The following GABRG3 variants were observed in gnomAD, a reference collection of about 807,000 sequenced individuals.
The protein encoded by GABRG3 is gamma-aminobutyric acid type A receptor subunit gamma3.
Under a neutral mutation model 48.8 loss-of-function variants are expected in GABRG3, and 25 were observed. The ratio of observed to expected loss-of-function variants is 0.51; its 90% CI spans 0.37 to 0.72. The LOEUF (loss-of-function observed/expected upper bound fraction) is 0.72. Among genes scored for constraint, GABRG3 ranks in the 30% least tolerant of loss-of-function variants. The probability of loss-of-function intolerance (pLI) is 0.00; values close to 1 mark genes in which losing one functional copy is unlikely to be tolerated. For missense variants in GABRG3, 394 were observed against 577.9 expected, an observed-to-expected ratio of 0.68 and a Z score of 3.26; for synonymous variants, 227 against 217.6, an observed-to-expected ratio of 1.04 and a Z score of -0.38.
intron 3 of GABRG3, among the ~76,000 whole-genome samples, chr15:27,294,223 CTTTTTTTTT>C (rs1162063750): frequency 7.7e-6 from 1 of 129,296 alleles, no homozygotes; most frequent in Non-Finnish European, 1.6e-5. Context: ...TTTCTTTTTC[CTTTTTTTTT>C]TTTTTTTTTT....
intron 3 of GABRG3, among the ~76,000 whole-genome samples, chr15:27,050,838 A>G (rs1272226268): frequency 2.0e-5 from 3 of 152,214 alleles, no homozygotes; most frequent in Non-Finnish European, 1.5e-5. Context: ...TATATTAAGC[A>G]TTACAATTTA....
intron 3 of GABRG3, among the ~76,000 whole-genome samples, chr15:27,154,559 G>A (rs1161424358): frequency 6.6e-6 from 1 of 152,154 alleles, no homozygotes; most frequent in East Asian, 1.9e-4. Context: ...CATTTTGTTT[G>A]ATACTTGCTC....
chr15:27,004,436 C>T (rs1422835094), intron 2 of GABRG3, among the ~76,000 whole-genome samples: 12 of 151,688 alleles, frequency 7.9e-5, no homozygotes, highest in African/African-American at 2.2e-4. Context: ...GGATGGCGGC[C>T]GGGCAGAGAC....
In GABRG3 at chr15:27,402,320, G is replaced by A. The variant is rs1887497569; in HGVS notation, c.574+73432G>A. On this transcript the variant is annotated intron_variant, in intron 5 of 9. Transcript: ENST00000615808. ...TATTTCAGAATGCTAACAAGATATT[G>A]AAGACTTAAGGGGTTAAGTTCAGGG... Among the ~76,000 whole-genome samples the A allele has an allele frequency of 1.3e-5, 2 of 152,196 alleles. 1 individual carries two copies. The highest frequency in any genetic ancestry group is 4.1e-4 in the South Asian group (2 of 4,834).
intron 6 of GABRG3, among the ~76,000 whole-genome samples, chr15:27,487,320 T>A (rs1279217613): frequency 6.6e-6 from 1 of 152,236 alleles, no homozygotes; most frequent in Admixed American, 6.5e-5. Flanking sequence ...TTATAACATT[T>A]AATATATTAT....
intron 2 of GABRG3, among the ~76,000 whole-genome samples, chr15:27,025,654 A>G (rs1244187146): frequency 2.0e-5 from 3 of 152,190 alleles, no homozygotes; most frequent in African/African-American, 7.2e-5. Context: ...TTTATGTGCA[A>G]TTTTACGAGA....
rs141573211 is a variant in GABRG3, at chr15:27,210,272, C to T, written c.271-116537C>T. 2.4e-3 allele frequency among the ~76,000 whole-genome samples: 370 copies of T among 152,240 alleles called. 1 individual carries two copies. The highest frequency in any genetic ancestry group is 3.8e-3 in the Non-Finnish European group (258 of 68,010). On this transcript the variant is annotated intron_variant, in intron 3 of 9. Transcript: ENST00000615808. ...GTAACTCCTTTGGAACTTTTATCTC[C>T]GTATTTCAGACCACATGCACAGTCT...
chr15:27,292,428 T>TAA (rs145757222), intron 3 of GABRG3, among the ~76,000 whole-genome samples: 1,547 of 147,188 alleles, frequency 0.011, 21 homozygotes, highest in African/African-American at 0.037. Flanking sequence ...TAAAGTATGA[T>TAA]AAAAAAAAAA....
intron 3 of GABRG3, among the ~76,000 whole-genome samples, chr15:27,202,641 A>G (rs1888721218): frequency 6.6e-6 from 1 of 152,070 alleles, no homozygotes; most frequent in Non-Finnish European, 1.5e-5. Flanking sequence ...TTATTGCTTT[A>G]TATTGCATTT....
At chr15:27,431,474 G>A (rs939074553) in intron 5 of GABRG3, among the ~76,000 whole-genome samples, 1 of 152,124 alleles carries the variant, frequency 6.6e-6, no homozygotes. Flanking sequence ...TATAAATAGA[G>A]ATTGTTTTAC....
chr15:27,479,527 A>C (rs1890044708), intron 5 of GABRG3, among the ~76,000 whole-genome samples: 1 of 152,272 alleles, frequency 6.6e-6, no homozygotes, highest in Non-Finnish European at 1.5e-5. Flanking sequence ...TGAAGAAGGC[A>C]GATTGCCTCT....
chr15:27,380,425 GTT>G (rs142157061), intron 5 of GABRG3, among the ~76,000 whole-genome samples: 1 of 145,552 alleles, frequency 6.9e-6, no homozygotes. Flanking sequence ...TGTGTGTGTG[GTT>G]TTTTTTTTGT....
At chr15:27,219,999 C>T (rs927329883) in intron 3 of GABRG3, among the ~76,000 whole-genome samples, 6 of 152,094 alleles carry the variant, frequency 3.9e-5, no homozygotes, top group Admixed American at 3.3e-4. Context: ...GTCGGCTCAC[C>T]CAGCATGCAG....
chr15:27,236,666 G>T lies in GABRG3; in HGVS notation c.271-90143G>T, dbSNP rs905743360. Among the ~76,000 whole-genome samples the T allele has an allele frequency of 6.6e-6, 1 of 152,188 alleles. No homozygotes were observed. The highest frequency in any genetic ancestry group is 2.4e-5 in the African/African-American group (1 of 41,430). On this transcript the variant is annotated intron_variant, in intron 3 of 9. Transcript: ENST00000615808. The surrounding 1 kb of genome is among the most constrained non-coding windows in gnomAD (Gnocchi z 4.4). ...TCCTGATTAGAGACCACCAGCCACA[G>T]AGTGGCTCTGACCAGCCTAGGGAGG...
intron 5 of GABRG3, among the ~76,000 whole-genome samples, chr15:27,346,113 G>GAAAT (rs1894364420): frequency 2.5e-5 from 2 of 80,532 alleles, no homozygotes; most frequent in South Asian, 4.4e-4. Context: ...GAAAGAGAAA[G>GAAAT]GAAAGAAAGA....
chr15:27,188,267 G>A lies in GABRG3; in HGVS notation c.271-138542G>A, dbSNP rs11504702. Among the ~76,000 whole-genome samples the A allele has an allele frequency of 4.4e-3, 667 of 152,172 alleles. 8 individuals carry two copies. Among genetic ancestry groups the A allele is most frequent in the African/African-American group, 0.015 (631 of 41,534 alleles). ...CAGTAATGGGATGGCTGGGTCAAAT[G>A]GTATTTCTAGTTCTAGATCCCTGAG... On this transcript the variant is annotated intron_variant, in intron 3 of 9. Coordinates refer to ENST00000615808, the MANE Select transcript of GABRG3 (RefSeq NM_033223.5).
chr15:27,027,703 C>T (rs1595480722), intron 3 of GABRG3, among the ~76,000 whole-genome samples: 1 of 152,144 alleles, frequency 6.6e-6, no homozygotes, highest in East Asian at 1.9e-4. Flanking sequence ...AAAAAATCTC[C>T]ATATCATCCC....
chr15:27,103,487 A>C (rs527661077), intron 3 of GABRG3, among the ~76,000 whole-genome samples: 1 of 152,282 alleles, frequency 6.6e-6, no homozygotes, highest in East Asian at 1.9e-4. Context: ...CAGACCGTAC[A>C]GGGTTGCCCC....
intron 5 of GABRG3, among the ~76,000 whole-genome samples, chr15:27,330,432 G>A (rs2140521088): frequency 6.6e-6 from 1 of 152,274 alleles, no homozygotes; most frequent in African/African-American, 2.4e-5. Flanking sequence ...GGCCCGTGGA[G>A]GCCCAGGTCC....
Sources: gnomAD v4.1 joint callset for allele counts (sites outside exome capture counted in the v4.1 genomes callset) on GRCh38, gnomAD v4.1.1 for gene constraint, Gnocchi (gnomAD v3.1) non-coding constraint, MANE v1.5 for transcripts, NCBI Gene and HGNC (gene_info 2026-07-23, HGNC 2026-07-21) for gene names.